VSIG1: variants seen among roughly 807,000 people sequenced by gnomAD.
The protein encoded by VSIG1 is V-set and immunoglobulin domain containing 1.
In VSIG1, 11 loss-of-function variants were observed where a neutral mutation model predicts 20.1. The observed-to-expected ratio is 0.55, with a 90% CI of 0.34 to 0.91. The LOEUF (loss-of-function observed/expected upper bound fraction) is 0.91. Among genes scored for constraint, VSIG1 ranks in the 40% least tolerant of loss-of-function variants. VSIG1 has a pLI of 0.02. For synonymous variants in VSIG1, 126 were observed against 116.7 expected (o/e 1.08, Z -0.52); for missense variants, 283 against 298.8 (o/e 0.95, Z 0.39).
At chrX:108,035,939 C>T in the VSIG1 span, among the ~76,000 whole-genome samples, 1 of 106,579 alleles carries the variant, frequency 9.4e-6, no homozygotes, top group Non-Finnish European at 1.9e-5. Flanking sequence ...AATGGCAAGT[C>T]ACTTACCTCT....
Position 108,076,988 on chromosome X carries a change from A to G in VSIG1, c.831-60A>G, listed in dbSNP as rs190270060. On this transcript the variant is annotated intron_variant, in intron 6 of 6. Transcript: ENST00000217957. The stretch of plus-strand genomic sequence containing the variant: ...GAAGCTACAGAACATATGGTTTCAC[A>G]TGAAATTTCAAAGTTAGCATCTCCC... 4.2e-5 allele frequency: 45 copies of G among 1,070,413 alleles called. No individual in the cohort carries two copies. In the East Asian group the frequency reaches 1.2e-3, roughly 30 times the overall value. 88.2% of individuals were successfully genotyped at this position (1,070,413 alleles called of 1,213,427 possible). A position where few individuals can be genotyped will look rare whatever the true frequency, so the allele number is the denominator to read the frequency against.
rs2031368031 is a variant in VSIG1 at position 108,077,237 on chromosome X, A to G, written c.1020A>G (p.Ala340=). Residue 340 remains alanine, a synonymous_variant, in exon 7 of 7, where the codon GCA becomes GCG. Transcript: ENST00000217957. The part of the protein sequence containing the change: ...PEPAPGSEPM[A]VPDLDIELEL... Reference sequence around the variant, plus strand: ...CTGCCCCAGGATCAGAGCCTATGGCAGTGCCTGACCTTGACATCGAGCTGG... The same window carrying G: ...CTGCCCCAGGATCAGAGCCTATGGCGGTGCCTGACCTTGACATCGAGCTGG... The G allele has an allele frequency of 8.3e-7, 1 of 1,210,320 alleles. No individual in the cohort carries two copies. Among genetic ancestry groups the G allele is most frequent in the Non-Finnish European group, 1.1e-6 (1 of 895,377 alleles).
chrX:108,031,553 C>T, the VSIG1 span, among the ~76,000 whole-genome samples: 1 of 111,649 alleles, frequency 9.0e-6, no homozygotes, highest in East Asian at 2.8e-4. Flanking sequence ...TGTTGGCAAT[C>T]GTAGCCATGT....
chrX:108,065,701 C>A (rs930854151), intron 2 of VSIG1, among the ~76,000 whole-genome samples: 25 of 111,726 alleles, frequency 2.2e-4, no homozygotes, highest in African/African-American at 7.5e-4. Flanking sequence ...TAAAAAATAT[C>A]TACCTTAATC....
At chrX:108,036,362 G>A in the VSIG1 span, among the ~76,000 whole-genome samples, 5 of 110,352 alleles carry the variant, frequency 4.5e-5, no homozygotes, top group African/African-American at 1.7e-4. Flanking sequence ...GGAGTTGGGG[G>A]AAGTGCAACT....
intron 1 of VSIG1, among the ~76,000 whole-genome samples, chrX:108,054,552 G>C (rs1009557342): frequency 2.7e-5 from 3 of 110,942 alleles, no homozygotes; most frequent in Non-Finnish European, 5.7e-5. Context: ...CATTCACCAA[G>C]ATAGATAATG....
intron 1 of VSIG1, among the ~76,000 whole-genome samples, chrX:108,046,671 T>C (rs772078044): frequency 2.7e-5 from 3 of 111,879 alleles, no homozygotes; most frequent in African/African-American, 9.7e-5. Context: ...ATAAAAATCA[T>C]CTGCAATTTT....
Position 108,073,286 on chromosome X carries a change from C to T in VSIG1, c.605C>T (p.Thr202Ile). The change falls in exon 5 of 7, where the codon ACA (threonine) becomes ATA (isoleucine). Residue 202 changes from threonine to isoleucine, a missense_variant. Thr to Ile is a moderately conservative substitution (Grantham distance 89, BLOSUM62 -1). Transcript: ENST00000217957. ...TTGILVIGNL[T>I]NFEQGYYQCT... ...GGGATTTTGGTCATTGGAAATCTGA[C>T]AAATTTTGAACAAGGTTATTACCAG... 1 of 1,211,282 alleles carries T rather than the reference C, an allele frequency of 8.3e-7. No homozygotes were observed.
In VSIG1 at chrX:108,047,969, T is replaced by TATATACACATATATATATATATATACAC. The variant is rs1569287472; in HGVS notation, c.49+2795_49+2796insCACATATATATATATATATACACATATA. On this transcript the variant is annotated intron_variant, in intron 1 of 6. Transcript: ENST00000217957. ...ATATATATATACACACACATATATA[T>TATATACACATATATATATATATATACAC]ATATATATATATATATATATATATA... is the stretch of plus-strand genomic sequence containing the variant. Among the ~76,000 whole-genome samples, 29 of 43,069 alleles carry TATATACACATATATATATATATATACAC rather than the reference T, an allele frequency of 6.7e-4. 1 individual carries two copies. Among genetic ancestry groups the TATATACACATATATATATATATATACAC allele is most frequent in the Non-Finnish European group, 1.0e-3 (25 of 23,942 alleles). 37.4% of individuals were successfully genotyped at this position (43,069 alleles called of 115,157 possible).
rs770000735 is a variant in VSIG1, at chrX:108,045,845, T to C, written c.49+666T>C. Among the ~76,000 whole-genome samples the C allele has an allele frequency of 2.7e-5, 3 of 112,201 alleles. No individual in the cohort carries two copies. In the East Asian group the frequency reaches 8.3e-4, roughly 31 times the overall value. On this transcript the variant is annotated intron_variant, in intron 1 of 6. Transcript: ENST00000217957. The stretch of plus-strand genomic sequence containing the variant: ...GGGTAGTTTTCAAATATCAGATACA[T>C]TTTGCATCTGTTCTTATAAGTTAGG...
chrX:108,063,837 G>A (rs1016471614), intron 2 of VSIG1, among the ~76,000 whole-genome samples: 7 of 111,213 alleles, frequency 6.3e-5, no homozygotes, highest in Admixed American at 9.5e-5. Context: ...ATTAACAAGC[G>A]CCCCTTAAGG....
At chrX:108,032,853 A>T in the VSIG1 span, among the ~76,000 whole-genome samples, 1 of 111,825 alleles carries the variant, frequency 8.9e-6, no homozygotes. Context: ...CCCATTGAAC[A>T]CATACCCTCA....
At chrX:108,072,566 A>T (rs903828777) in intron 3 of VSIG1, 111 bp from the exon 4 acceptor site, 24 of 848,286 alleles carry the variant, frequency 2.8e-5, no homozygotes, top group South Asian at 5.7e-5. Flanking sequence ...AATTTTTTTT[A>T]AAAATAAATA....
At chrX:108,056,290 A>G (rs7061009) in intron 1 of VSIG1, among the ~76,000 whole-genome samples, 38,880 of 110,730 alleles carry the variant, frequency 0.35, 5,335 homozygotes, top group Non-Finnish European at 0.42. Context: ...AAAAACACCT[A>G]CAAGTAACCT....
the VSIG1 span, among the ~76,000 whole-genome samples, chrX:108,032,776 AGT>A: frequency 2.7e-5 from 3 of 111,666 alleles, no homozygotes; most frequent in Non-Finnish European, 5.6e-5. Context: ...CTGAGCAAAG[AGT>A]GGTGGGAGAT....
chrX:108,078,356 G>C lies in VSIG1; in HGVS notation c.*975G>C, dbSNP rs887983784. The C allele has an allele frequency of 8.9e-6, 1 of 111,928 alleles. No homozygotes were observed. The highest frequency in any genetic ancestry group is 3.3e-5 in the African/African-American group (1 of 30,746). 9.2% of individuals were successfully genotyped at this position (111,928 alleles called of 1,213,427 possible). A position where few individuals can be genotyped will look rare whatever the true frequency, so the allele number is the denominator to read the frequency against. On this transcript the variant is annotated 3_prime_UTR_variant, in exon 7 of 7. Transcript: ENST00000217957. ...TGTAACCCTAGCACTTTGGGAGGCCGAGGCAGGTGGATCACCTGAGGTCAG... is the reference window on the plus strand; with the variant it reads ...TGTAACCCTAGCACTTTGGGAGGCCCAGGCAGGTGGATCACCTGAGGTCAG...
At chrX:108,036,901 C>T in the VSIG1 span, among the ~76,000 whole-genome samples, 1 of 111,875 alleles carries the variant, frequency 8.9e-6, no homozygotes, top group South Asian at 3.8e-4. Flanking sequence ...GGGACTTTCA[C>T]TGCATAACAA....
chrX:108,066,632 T>G (rs1186029831), intron 2 of VSIG1, among the ~76,000 whole-genome samples: 1 of 112,065 alleles, frequency 8.9e-6, no homozygotes, highest in Non-Finnish European at 1.9e-5. Context: ...GTGAGCATCT[T>G]GATCTCCTAG....
chrX:108,076,565 T>C (rs1021182227), intron 6 of VSIG1, among the ~76,000 whole-genome samples: 5 of 112,314 alleles, frequency 4.5e-5, no homozygotes, highest in Non-Finnish European at 7.5e-5. Context: ...ACAAGGACAG[T>C]GCCCAGGGAA....
Sources: gnomAD v4.1 joint callset for allele counts (sites outside exome capture counted in the v4.1 genomes callset) on GRCh38, gnomAD v4.1.1 for gene constraint, MANE v1.5 for transcripts, NCBI Gene and HGNC (gene_info 2026-07-23, HGNC 2026-07-21) for gene names.